Variants in PPP1R2 observed in about 807,000 individuals in gnomAD.
PPP1R2 encodes the protein protein phosphatase inhibitor 2.
PPP1R2 carries 16 observed loss-of-function variants against 29.9 expected under a neutral mutation model. The observed-to-expected ratio is 0.53, with a 90% CI of 0.36 to 0.81. The LOEUF (loss-of-function observed/expected upper bound fraction) is 0.81. Among genes scored for constraint, PPP1R2 ranks in the 30% least tolerant of loss-of-function variants. The probability of loss-of-function intolerance (pLI) is 0.00; values close to 1 mark genes in which losing one functional copy is unlikely to be tolerated. For synonymous variants in PPP1R2, 76 were observed against 91.5 expected, an observed-to-expected ratio of 0.83 and a Z score of 0.96; for missense variants, 197 against 252.7, an observed-to-expected ratio of 0.78 and a Z score of 1.49.
intron 2 of PPP1R2, chr3:195,527,928 T>A (rs1447325045): frequency 2.7e-6 from 1 of 366,798 alleles, no homozygotes; most frequent in Non-Finnish European, 5.2e-6. Flanking sequence ...AAAATAAGAA[T>A]ATAAACCTCT....
intron 4 of PPP1R2, among the ~76,000 whole-genome samples, chr3:195,520,884 G>T (rs1388088462): frequency 6.6e-6 from 1 of 151,860 alleles, no homozygotes; most frequent in Non-Finnish European, 1.5e-5. Context: ...GGTCAGGCTG[G>T]TCTTGAACTC....
At position 195,514,696 on chromosome 3, in the gene PPP1R2, A is replaced by G. The variant is rs1211362315; in HGVS notation, c.*2200T>C. On this transcript the variant is annotated 3_prime_UTR_variant, in exon 6 of 6. Coordinates refer to ENST00000618156, the MANE Select transcript of PPP1R2 (RefSeq NM_006241.8). Reference sequence around the variant, plus strand: ...GAAAGTAAAATCTACCTTGGCTAGAACTGAACATTCAGATCTGTCTCTCCA... The same window carrying G: ...GAAAGTAAAATCTACCTTGGCTAGAGCTGAACATTCAGATCTGTCTCTCCA... The G allele has an allele frequency of 6.6e-6, 1 of 152,292 alleles. No individual in the cohort carries two copies. Among genetic ancestry groups the G allele is most frequent in the Non-Finnish European group, 1.5e-5 (1 of 68,090 alleles). 9.4% of individuals were successfully genotyped at this position (152,292 alleles called of 1,614,324 possible).
intron 1 of PPP1R2, among the ~76,000 whole-genome samples, chr3:195,534,634 C>T (rs1045022233): frequency 1.3e-5 from 2 of 152,176 alleles, no homozygotes; most frequent in Non-Finnish European, 2.9e-5. Flanking sequence ...AACGAGAACC[C>T]TCCTGGTTCC....
chr3:195,525,494 G>C (rs900093246), intron 2 of PPP1R2, among the ~76,000 whole-genome samples: 3 of 152,088 alleles, frequency 2.0e-5, no homozygotes, highest in African/African-American at 7.2e-5. Flanking sequence ...ATACTACAAA[G>C]TTCCAATTAT....
chr3:195,524,607 A>G (rs932266204), intron 3 of PPP1R2, among the ~76,000 whole-genome samples: 1 of 152,142 alleles, frequency 6.6e-6, no homozygotes, highest in Non-Finnish European at 1.5e-5. Context: ...TGCCACCTAC[A>G]TACCTTGATT....
At chr3:195,534,231 G>C (rs553394123) in intron 1 of PPP1R2, among the ~76,000 whole-genome samples, 11 of 152,242 alleles carry the variant, frequency 7.2e-5, no homozygotes, top group Middle Eastern at 3.4e-3. Flanking sequence ...GCCTGAAGTG[G>C]GAGGATCACC....
chr3:195,530,972 GCCA>G (rs1488686658), intron 1 of PPP1R2, among the ~76,000 whole-genome samples: 6 of 151,250 alleles, frequency 4.0e-5, no homozygotes, highest in African/African-American at 1.5e-4. Flanking sequence ...AAAGGTGTCT[GCCA>G]CCACACCTGG....
At chr3:195,532,519 C>A (rs1262700788) in intron 1 of PPP1R2, among the ~76,000 whole-genome samples, 1 of 152,082 alleles carries the variant, frequency 6.6e-6, no homozygotes, top group Non-Finnish European at 1.5e-5. Flanking sequence ...TTCTGCCTGT[C>A]ACATAGTTGA....
chr3:195,525,112 A>C (rs185433824), intron 2 of PPP1R2, among the ~76,000 whole-genome samples: 122 of 152,308 alleles, frequency 8.0e-4, no homozygotes, highest in African/African-American at 2.9e-3. Flanking sequence ...ATTAAAAAAA[A>C]CACATAAATA....
At chr3:195,539,507 T>C (rs936293755) in intron 1 of PPP1R2, among the ~76,000 whole-genome samples, 2 of 151,334 alleles carry the variant, frequency 1.3e-5, no homozygotes, top group Middle Eastern at 3.4e-3. Flanking sequence ...AGCCCAGGAG[T>C]TTGAGACCAG....
At chr3:195,540,008 G>A (rs192506397) in intron 1 of PPP1R2, among the ~76,000 whole-genome samples, 241 of 152,238 alleles carry the variant, frequency 1.6e-3, no homozygotes, top group African/African-American at 5.7e-3. Context: ...CACAACTGGG[G>A]GATGGGTAGG....
intron 1 of PPP1R2, among the ~76,000 whole-genome samples, chr3:195,535,045 C>T (rs1018202611): frequency 3.9e-5 from 6 of 152,176 alleles, no homozygotes; most frequent in East Asian, 1.9e-4. Flanking sequence ...TGGCACTCTA[C>T]GCAGTGGTCC....
chr3:195,535,123 G>T (rs1356809385), intron 1 of PPP1R2, among the ~76,000 whole-genome samples: 7 of 152,134 alleles, frequency 4.6e-5, no homozygotes. Context: ...GGTCGGGTGG[G>T]AAGGTTTCAG....
intron 1 of PPP1R2, 93 bp downstream of exon 1, chr3:195,542,811 C>G: frequency 3.5e-6 from 5 of 1,409,286 alleles, no homozygotes; most frequent in Non-Finnish European, 4.7e-6. Context: ...GCACCCGAGC[C>G]GCATCCACGC....
intron 1 of PPP1R2, among the ~76,000 whole-genome samples, chr3:195,542,531 A>G (rs1310230950): frequency 1.3e-5 from 2 of 152,220 alleles, no homozygotes; most frequent in Non-Finnish European, 2.9e-5. Flanking sequence ...GGGTTCCCAA[A>G]GCAAGAAAAT....
At chr3:195,517,188 A>T (rs1718577194) in intron 5 of PPP1R2, among the ~76,000 whole-genome samples, 2 of 152,212 alleles carry the variant, frequency 1.3e-5, no homozygotes, top group Non-Finnish European at 2.9e-5. Flanking sequence ...TCTGTAAGTC[A>T]CAGGTGGAAA....
chr3:195,517,648 G>A (rs1033671312), intron 5 of PPP1R2, among the ~76,000 whole-genome samples: 2 of 151,592 alleles, frequency 1.3e-5, no homozygotes, highest in East Asian at 1.9e-4. Flanking sequence ...AAGCAGAGAC[G>A]GACAAAATGC....
intron 1 of PPP1R2, among the ~76,000 whole-genome samples, chr3:195,539,246 TG>T (rs1361461679): frequency 6.6e-6 from 1 of 152,210 alleles, no homozygotes; most frequent in Non-Finnish European, 1.5e-5. Flanking sequence ...CCTGAAAGAA[TG>T]GGAAGTCCAC....
intron 4 of PPP1R2, among the ~76,000 whole-genome samples, chr3:195,522,434 G>T (rs79844829): frequency 0.012 from 1,863 of 152,210 alleles, 43 homozygotes; most frequent in African/African-American, 0.043. Flanking sequence ...TTAGTCAAAT[G>T]GCTCCCCCTG....
Sources: gnomAD v4.1 joint callset for allele counts (sites outside exome capture counted in the v4.1 genomes callset) on GRCh38, gnomAD v4.1.1 for gene constraint, MANE v1.5 for transcripts, NCBI Gene and HGNC (gene_info 2026-07-23, HGNC 2026-07-21) for gene names.